Variants in GRIN3A observed in about 807,000 individuals in gnomAD.
GRIN3A encodes the protein glutamate receptor ionotropic, NMDA 3A.
GRIN3A carries 47 observed loss-of-function variants against 92.4 expected under a neutral mutation model. The ratio of observed to expected loss-of-function variants is 0.51; its 90% CI spans 0.40 to 0.65. GRIN3A has a LOEUF of 0.65. Among genes scored for constraint, GRIN3A ranks in the 30% least tolerant of loss-of-function variants. The probability of loss-of-function intolerance (pLI) is 0.00; values close to 1 mark genes in which losing one functional copy is unlikely to be tolerated. For missense variants in GRIN3A, 1,324 were observed against 1,393.1 expected (o/e 0.95, Z 0.79); for synonymous variants, 527 against 540.6 (o/e 0.97, Z 0.35).
At chr9:101,575,395 G>A (rs1346402073) in intron 8 of GRIN3A, among the ~76,000 whole-genome samples, 1 of 151,986 alleles carries the variant, frequency 6.6e-6, no homozygotes, top group Non-Finnish European at 1.5e-5. Flanking sequence ...AGTAATCTTG[G>A]TTGTGCTGTT....
chr9:101,686,862 C>T lies in GRIN3A; in HGVS notation c.1038G>A (p.Gly346=). The change falls in exon 2 of 9, where the codon GGG becomes GGA. Residue 346 remains glycine, a synonymous_variant. Coordinates refer to ENST00000361820, the MANE Select transcript of GRIN3A (RefSeq NM_133445.3). The stretch of plus-strand genomic sequence containing the variant: ...CCCAACGAAGTTCAGGGGGCATGAC[C>T]CCAAACTGGGTTGTAATTTCGAAAA... ...RRIFEITTQF[G]VMPPELRWVL... is the part of the protein sequence containing the mutation. The T allele has an allele frequency of 2.5e-6, 4 of 1,614,186 alleles. No individual in the cohort carries two copies. Among genetic ancestry groups the T allele is most frequent in the Non-Finnish European group, 3.4e-6 (4 of 1,180,046 alleles).
chr9:101,673,543 A>T (rs893508864), intron 2 of GRIN3A, among the ~76,000 whole-genome samples: 5 of 152,168 alleles, frequency 3.3e-5, no homozygotes, highest in African/African-American at 1.2e-4. Flanking sequence ...GAATCAAAAT[A>T]ATCTCATGAA....
At chr9:101,622,795 A>G (rs1307096071) in intron 5 of GRIN3A, among the ~76,000 whole-genome samples, 1 of 152,164 alleles carries the variant, frequency 6.6e-6, no homozygotes. Flanking sequence ...AAATGAGTAG[A>G]TTGCATTAGA....
At chr9:101,632,059 C>T (rs890072324) in intron 3 of GRIN3A, among the ~76,000 whole-genome samples, 9 of 152,182 alleles carry the variant, frequency 5.9e-5, no homozygotes, top group Non-Finnish European at 1.2e-4. Context: ...CTAGCCTTGT[C>T]GTCCTGCTCT....
At chr9:101,608,826 T>C (rs768611575) in intron 6 of GRIN3A, among the ~76,000 whole-genome samples, 13 of 152,220 alleles carry the variant, frequency 8.5e-5, no homozygotes, top group Admixed American at 8.5e-4. Context: ...CTATATTGTA[T>C]AGAATACTGA....
intron 3 of GRIN3A, among the ~76,000 whole-genome samples, chr9:101,653,195 A>T (rs1255425932): frequency 6.6e-6 from 1 of 151,976 alleles, no homozygotes; most frequent in Non-Finnish European, 1.5e-5. Context: ...GCAAGATTTA[A>T]AAGAATTATA....
At chr9:101,673,631 T>C (rs1395049668) in intron 2 of GRIN3A, among the ~76,000 whole-genome samples, 1 of 152,140 alleles carries the variant, frequency 6.6e-6, no homozygotes, top group Non-Finnish European at 1.5e-5. Flanking sequence ...TTAGTTAAAA[T>C]ATCAAAAGGC....
At chr9:101,723,342 G>T (rs1350416767) in intron 1 of GRIN3A, among the ~76,000 whole-genome samples, 3 of 151,848 alleles carry the variant, frequency 2.0e-5, no homozygotes, top group Non-Finnish European at 4.4e-5. Flanking sequence ...AGCTCTTAAG[G>T]CAGCGCGTCT....
intron 1 of GRIN3A, among the ~76,000 whole-genome samples, chr9:101,710,638 T>TC (rs1438665867): frequency 6.6e-6 from 1 of 152,222 alleles, no homozygotes; most frequent in East Asian, 1.9e-4. Context: ...CAAGTTGCTT[T>TC]CCTAAGGGAG....
intron 2 of GRIN3A, among the ~76,000 whole-genome samples, chr9:101,672,836 A>C (rs1413510573): frequency 6.6e-6 from 1 of 152,172 alleles, no homozygotes; most frequent in Non-Finnish European, 1.5e-5. Flanking sequence ...GCAACAAGTA[A>C]TGAAGTCTCA....
intron 3 of GRIN3A, among the ~76,000 whole-genome samples, chr9:101,636,728 G>A (rs951700370): frequency 5.3e-5 from 8 of 152,272 alleles, no homozygotes; most frequent in Admixed American, 2.6e-4. Context: ...AAAAACTAGT[G>A]CCAGTTTATA....
At chr9:101,576,674 A>T (rs1827832041) in intron 8 of GRIN3A, among the ~76,000 whole-genome samples, 1 of 152,184 alleles carries the variant, frequency 6.6e-6, no homozygotes, top group African/African-American at 2.4e-5. Flanking sequence ...GTAACATGTC[A>T]TGGAACAGCT....
In GRIN3A at chr9:101,670,459, G is replaced by A. The variant is rs1829302177; in HGVS notation, c.1953C>T (p.Thr651=). The A allele has an allele frequency of 6.2e-7, 1 of 1,614,012 alleles. No homozygotes were observed. The stretch of plus-strand genomic sequence containing the variant: ...GGGTCCTCACTAAGATGCCCAAGCT[G>A]GTGGAGAAGAAAGGGCTGGTGAAAT... ...VIDFTSPFFS[T]SLGILVRTRD... Residue 651 remains threonine, a synonymous_variant, in exon 3 of 9, where the codon ACC becomes ACT. Transcript: ENST00000361820.
intron 2 of GRIN3A, among the ~76,000 whole-genome samples, chr9:101,678,093 T>G (rs1829422473): frequency 6.6e-6 from 1 of 152,126 alleles, no homozygotes; most frequent in Non-Finnish European, 1.5e-5. Context: ...CCTATCTCAC[T>G]GAGTCATCTT....
chr9:101,597,165 G>A (rs933036879), intron 6 of GRIN3A, among the ~76,000 whole-genome samples: 1 of 152,150 alleles, frequency 6.6e-6, no homozygotes, highest in Non-Finnish European at 1.5e-5. Context: ...CAGAAAAGAC[G>A]GACTTTTCCC....
In GRIN3A at chr9:101,670,103, C is replaced by T. The variant is rs181715524; in HGVS notation, c.2309G>A (p.Gly770Asp). 7.2e-4 allele frequency: 1,168 copies of T among 1,613,834 alleles called. 1 individual carries two copies. Among genetic ancestry groups the T allele is most frequent in the Non-Finnish European group, 7.8e-4 (920 of 1,179,844 alleles). Residue 770 changes from glycine to aspartate, a missense_variant, in exon 3 of 9, where the codon GGT becomes GAT. Coordinates refer to ENST00000361820, the MANE Select transcript of GRIN3A (RefSeq NM_133445.3). ...YTANLAAVMV[G>D]EKIYEELSGI... ...AGAAAGCTCTTCATAGATCTTCTCACCTACCATGACAGCAGCCAAGTTTGC... is the reference window on the plus strand; with the variant it reads ...AGAAAGCTCTTCATAGATCTTCTCATCTACCATGACAGCAGCCAAGTTTGC...
rs1180296564 is a variant in GRIN3A, at chr9:101,579,249, G to A, written c.2878C>T (p.Leu960=). Residue 960 remains leucine, a synonymous_variant, in exon 7 of 9, where the codon CTA becomes TTA. Transcript: ENST00000361820. The part of the protein sequence containing the change: ...IGEHIVYRLL[L]PRIKNKSKLQ... ...TTGGATTTGTTTTTGATTCGTGGTA[G>A]CAGCAGCCTGTATACTATGTGCTCA... The A allele has an allele frequency of 3.7e-6, 6 of 1,613,884 alleles. No homozygotes were observed. The highest frequency in any genetic ancestry group is 5.1e-6 in the Non-Finnish European group (6 of 1,179,926).
intron 3 of GRIN3A, 48 bp from the exon 4 acceptor site, chr9:101,628,449 GT>G: frequency 6.4e-7 from 1 of 1,565,306 alleles, no homozygotes; most frequent in Non-Finnish European, 8.8e-7. Flanking sequence ...ATTCTTAGAA[GT>G]GTTTTTTAAC....
At chr9:101,693,244 AATATATAT>A (rs3082770) in intron 1 of GRIN3A, among the ~76,000 whole-genome samples, 28,447 of 128,316 alleles carry the variant, frequency 0.22, 3,055 homozygotes, top group Middle Eastern at 0.27. Flanking sequence ...TCTCAGCTAA[AATATATAT>A]ATATATATAT....
Sources: allele counts gnomAD v4.1 joint callset (sites outside exome capture counted in the v4.1 genomes callset), GRCh38; gene constraint gnomAD v4.1.1; transcripts MANE v1.5; gene names NCBI Gene and HGNC (gene_info 2026-07-23, HGNC 2026-07-21).